The following AXIN2 variants were observed in gnomAD, a reference collection of about 807,000 sequenced individuals.
AXIN2 encodes the protein axin-2.
Under a neutral mutation model 74.7 loss-of-function variants are expected in AXIN2, and 21 were observed. The ratio of observed to expected loss-of-function variants is 0.28; its 90% CI spans 0.20 to 0.40. The LOEUF (loss-of-function observed/expected upper bound fraction) is 0.40. Ranked by LOEUF, AXIN2 falls within the 10% of genes least tolerant of loss-of-function variation. AXIN2 has a pLI of 1.00. For synonymous variants in AXIN2, 532 were observed against 454.9 expected (o/e 1.17, Z -2.16); for missense variants, 1,144 against 1,111.1 (o/e 1.03, Z -0.42).
chr17:65,538,025 C>A, intron 5 of AXIN2, 178 bp downstream of exon 5: 1 of 1,352,732 alleles, frequency 7.4e-7, no homozygotes. Context: ...CACCCACACG[C>A]AACCCATGCA....
intron 3 of AXIN2, among the ~76,000 whole-genome samples, chr17:65,547,035 T>C (rs1436549782): frequency 2.6e-5 from 4 of 152,094 alleles, no homozygotes; most frequent in Non-Finnish European, 4.4e-5. Context: ...ACCTTTCTGA[T>C]CCCTGAAAAG....
Position 65,558,688 on chromosome 17 carries a change from G to C in AXIN2, c.-68C>G. 2.7e-6 allele frequency: 4 copies of C among 1,494,378 alleles called. No individual in the cohort carries two copies. The highest frequency in any genetic ancestry group is 3.6e-6 in the Non-Finnish European group (4 of 1,104,170). 92.6% of individuals were successfully genotyped at this position (1,494,378 alleles called of 1,614,324 possible). ...TCCAGTTCCTCTCAGCAATCGGCGT[G>C]GTCTCTCTGTCTCTCTCAAGTCAGC... On this transcript the variant is annotated 5_prime_UTR_variant, in exon 2 of 11. Coordinates refer to ENST00000307078, the MANE Select transcript of AXIN2 (RefSeq NM_004655.4).
chr17:65,545,831 C>T (rs540251352), intron 3 of AXIN2, among the ~76,000 whole-genome samples: 1 of 152,260 alleles, frequency 6.6e-6, no homozygotes, highest in Non-Finnish European at 1.5e-5. Flanking sequence ...AAAGCCCCTG[C>T]CTGCTCTGCA....
At chr17:65,558,857 A>C in intron 1 of AXIN2, 121 bp from the exon 2 acceptor site, 3 of 569,160 alleles carry the variant, frequency 5.3e-6, no homozygotes, top group East Asian at 2.9e-5. Context: ...TCAAATTCAA[A>C]TCAAGCAACC....
At chr17:65,555,483 A>G (rs1220172349) in intron 2 of AXIN2, among the ~76,000 whole-genome samples, 1 of 152,220 alleles carries the variant, frequency 6.6e-6, no homozygotes, top group Non-Finnish European at 1.5e-5. Flanking sequence ...GGGCTAAGCC[A>G]AGAGTCACCC....
intron 2 of AXIN2, among the ~76,000 whole-genome samples, chr17:65,556,750 G>C (rs1447667541): frequency 6.6e-6 from 1 of 152,096 alleles, no homozygotes; most frequent in Non-Finnish European, 1.5e-5. Context: ...ATCCTACAGA[G>C]AAAGGGAAAT....
intron 2 of AXIN2, among the ~76,000 whole-genome samples, chr17:65,557,029 T>G (rs1417614604): frequency 6.6e-6 from 1 of 152,212 alleles, no homozygotes; most frequent in African/African-American, 2.4e-5. Flanking sequence ...TGCAAAGAAC[T>G]ATTTGTCTTT....
In AXIN2 at chr17:65,529,334, A is replaced by G. The variant is rs2043778246; in HGVS notation, c.*642T>C. On this transcript the variant is annotated 3_prime_UTR_variant, in exon 11 of 11. Transcript: ENST00000307078. ...CCTCAAGACCTTTAAGACAAAACAGAGCAGCATAGGAAAAAAAAAAACAAA... is the reference window on the plus strand; with the variant it reads ...CCTCAAGACCTTTAAGACAAAACAGGGCAGCATAGGAAAAAAAAAAACAAA... The G allele has an allele frequency of 4.2e-6, 1 of 240,246 alleles. No individual in the cohort carries two copies. The highest frequency in any genetic ancestry group is 8.2e-6 in the Non-Finnish European group (1 of 122,276). The allele number at this position is 240,246 out of a possible 1,614,324, so 14.9% of individuals were successfully genotyped here.
chr17:65,529,949 C>T lies in AXIN2; in HGVS notation c.*27G>A, dbSNP rs762596261. ...AGTTCACAAGAGCTTCGGGCTCCAACAGTTCACCAAAGCCAGACCCCAGGG... is the reference window on the plus strand; with the variant it reads ...AGTTCACAAGAGCTTCGGGCTCCAATAGTTCACCAAAGCCAGACCCCAGGG... On this transcript the variant is annotated 3_prime_UTR_variant, in exon 11 of 11. Transcript: ENST00000307078. 1.2e-6 allele frequency: 2 copies of T among 1,614,070 alleles called. No individual in the cohort carries two copies. Among genetic ancestry groups the T allele is most frequent in the South Asian group, 2.2e-5 (2 of 91,072 alleles).
chr17:65,537,202 G>A (rs2043941194), intron 6 of AXIN2, 122 bp downstream of exon 6: 3 of 1,546,846 alleles, frequency 1.9e-6, no homozygotes, highest in East Asian at 2.2e-5. Flanking sequence ...TCACCCGGCC[G>A]TGCACTCTGC....
At chr17:65,553,629 G>A (rs2044224293) in intron 2 of AXIN2, among the ~76,000 whole-genome samples, 1 of 152,194 alleles carries the variant, frequency 6.6e-6, no homozygotes, top group South Asian at 2.1e-4. Flanking sequence ...TGTGTGACCA[G>A]TAATTAAAAA....
chr17:65,536,774 G>A, intron 7 of AXIN2, 95 bp downstream of exon 7: 3 of 1,544,036 alleles, frequency 1.9e-6, no homozygotes, highest in Non-Finnish European at 2.7e-6. Flanking sequence ...AGTCACATTT[G>A]TATTCCGCGG....
At chr17:65,556,693 C>A (rs545171778) in intron 2 of AXIN2, among the ~76,000 whole-genome samples, 1 of 152,228 alleles carries the variant, frequency 6.6e-6, no homozygotes, top group East Asian at 1.9e-4. Context: ...TCAAGATCAA[C>A]CATCTGGTGC....
intron 9 of AXIN2, among the ~76,000 whole-genome samples, chr17:65,534,825 G>C (rs1255909920): frequency 1.3e-5 from 2 of 152,194 alleles, no homozygotes; most frequent in African/African-American, 4.8e-5. Context: ...AGCTACTCGG[G>C]AGGCTGAGGC....
At chr17:65,558,788 T>C in intron 1 of AXIN2, 52 bp from the exon 2 acceptor site, 1 of 700,900 alleles carries the variant, frequency 1.4e-6, no homozygotes, top group African/African-American at 1.8e-5. Context: ...GGTATTGATC[T>C]AATCAAAACC....
intron 5 of AXIN2, 48 bp downstream of exon 5, chr17:65,538,131 ATGCACATGCGCATACACATACGAG>A (rs749415145): frequency 6.2e-7 from 1 of 1,606,408 alleles, no homozygotes; most frequent in East Asian, 2.2e-5. Flanking sequence ...AACGCACCCC[ATGCACATGCGCATACACATACGAG>A]CGCTCACGCC....
At position 65,541,504 on chromosome 17, in the gene AXIN2, A is replaced by G. The variant is rs1418913084; in HGVS notation, c.1010T>C (p.Met337Thr). 10 of 1,614,028 alleles carry G rather than the reference A, an allele frequency of 6.2e-6. No individual in the cohort carries two copies. Among genetic ancestry groups the G allele is most frequent in the Non-Finnish European group, 8.5e-6 (10 of 1,180,028 alleles). Residue 337 changes from methionine (M) to threonine (T), a missense_variant, in exon 4 of 11, where the codon ATG (methionine) becomes ACG (threonine). Met to Thr is a moderately conservative substitution (Grantham distance 81, BLOSUM62 -1). Around this residue, in one of 4 missense-constraint regions of AXIN2, gnomAD observed 1,053 missense variants for 973.5 expected, o/e 1.08. Transcript: ENST00000307078. ...GCCATTGGCCTTCACACTGCGATGC[A>G]TTTCTCTCTGGAGCTGTTTCTTACT... ...VGSKKQLQRE[M>T]HRSVKANGQV...
At chr17:65,561,240 ACGCGCCGGCCG>A (rs935859053) in intron 1 of AXIN2, 199 bp downstream of exon 1, 3 of 147,198 alleles carry the variant, frequency 2.0e-5, no homozygotes, top group Admixed American at 6.7e-5. Context: ...AAAGGGAGGT[ACGCGCCGGCCG>A]CGCCCCGGGC....
chr17:65,556,487 C>A (rs1598117418), intron 2 of AXIN2, among the ~76,000 whole-genome samples: 1 of 152,332 alleles, frequency 6.6e-6, no homozygotes, highest in South Asian at 2.1e-4. Flanking sequence ...TCCCTGGAAC[C>A]TGTGTTTCCT....
Sources: allele counts gnomAD v4.1 joint callset (sites outside exome capture counted in the v4.1 genomes callset), GRCh38; gene constraint gnomAD v4.1.1; regional missense constraint gnomAD v4.1.1; transcripts MANE v1.5; gene names NCBI Gene and HGNC (gene_info 2026-07-23, HGNC 2026-07-21).